NDST4: variants seen among roughly 807,000 people sequenced by gnomAD.
NDST4 encodes N-deacetylase and N-sulfotransferase 4.
A neutral mutation model predicts 100.8 loss-of-function variants in NDST4; 63 were observed. The observed-to-expected ratio is 0.62, with a 90% CI of 0.51 to 0.77. The LOEUF is 0.77. Ranked by LOEUF, NDST4 falls within the 30% of genes least tolerant of loss-of-function variation. The pLI is 0.00. For missense variants in NDST4, 943 were observed against 1,018.4 expected (o/e 0.93, Z 1.01); for synonymous variants, 377 against 361.8 (o/e 1.04, Z -0.48).
intron 6 of NDST4, among the ~76,000 whole-genome samples, chr4:114,899,292 C>T (rs1332964717): frequency 6.6e-6 from 1 of 152,194 alleles, no homozygotes; most frequent in Non-Finnish European, 1.5e-5. Context: ...ATTCTCCTGC[C>T]TCAGCCTCCT....
chr4:115,022,772 C>T (rs188567777), intron 2 of NDST4, among the ~76,000 whole-genome samples: 219 of 152,102 alleles, frequency 1.4e-3, no homozygotes, highest in African/African-American at 5.1e-3. Flanking sequence ...GTCTCATGAT[C>T]GTGAATGAGT....
chr4:115,073,961 G>T (rs1023840505), intron 2 of NDST4, among the ~76,000 whole-genome samples: 3 of 151,640 alleles, frequency 2.0e-5, no homozygotes, highest in Admixed American at 2.0e-4. Context: ...ATAATTCTGA[G>T]GGAGAACCAG....
chr4:115,044,854 T>G (rs1054160271), intron 2 of NDST4, among the ~76,000 whole-genome samples: 1 of 151,670 alleles, frequency 6.6e-6, no homozygotes, highest in East Asian at 1.9e-4. Flanking sequence ...AAAAGATGTT[T>G]AAACCAATTA....
chr4:114,991,811 C>T (rs1218479872), intron 2 of NDST4, among the ~76,000 whole-genome samples: 3 of 152,018 alleles, frequency 2.0e-5, no homozygotes, highest in African/African-American at 7.2e-5. Flanking sequence ...TGATGACATA[C>T]ACATTCTACA....
At chr4:114,828,137 C>G (rs933244111) in intron 13 of NDST4, among the ~76,000 whole-genome samples, 1 of 151,848 alleles carries the variant, frequency 6.6e-6, no homozygotes, top group Non-Finnish European at 1.5e-5. Flanking sequence ...AGAAATAGGA[C>G]CAAGTATATC....
chr4:115,101,478 T>A (rs1729729425), intron 1 of NDST4, among the ~76,000 whole-genome samples: 2 of 152,032 alleles, frequency 1.3e-5, no homozygotes, highest in Admixed American at 6.6e-5. Context: ...AGGCTTGCCA[T>A]GAAAATATTA....
chr4:115,041,346 A>T (rs1728348353), intron 2 of NDST4, among the ~76,000 whole-genome samples: 1 of 152,080 alleles, frequency 6.6e-6, no homozygotes, highest in Admixed American at 6.6e-5. Flanking sequence ...CTTTTTTGGG[A>T]TCTCTTTTTA....
At chr4:114,948,758 T>C (rs1725925356) in intron 4 of NDST4, among the ~76,000 whole-genome samples, 1 of 152,062 alleles carries the variant, frequency 6.6e-6, no homozygotes, top group Non-Finnish European at 1.5e-5. Flanking sequence ...CTCAAGTTAC[T>C]GCAGAAAAGA....
At chr4:114,906,607 G>A (rs1428915607) in intron 6 of NDST4, among the ~76,000 whole-genome samples, 1 of 151,830 alleles carries the variant, frequency 6.6e-6, no homozygotes, top group Non-Finnish European at 1.5e-5. Flanking sequence ...ATTGAAGAAC[G>A]ATAAAACCAT....
rs144196328 is a variant in NDST4 at position 114,906,747 on chromosome 4, A to G, written c.1536+28459T>C. ...AATATATCTCTTAAAACATATGAAG[A>G]TATATTTATAATGATCTTTTTGTAG... is the stretch of plus-strand genomic sequence containing the variant. On this transcript the variant is annotated intron_variant, in intron 6 of 13. Coordinates refer to ENST00000264363, the MANE Select transcript of NDST4 (RefSeq NM_022569.3). 3.1e-4 allele frequency among the ~76,000 whole-genome samples: 47 copies of G among 152,056 alleles called. 1 individual carries two copies. Among genetic ancestry groups the G allele is most frequent in the African/African-American group, 1.0e-3 (43 of 41,518 alleles).
chr4:115,015,131 C>T (rs1275368258), intron 2 of NDST4, among the ~76,000 whole-genome samples: 2 of 152,066 alleles, frequency 1.3e-5, no homozygotes, highest in East Asian at 3.9e-4. Flanking sequence ...GAAGAAGTGG[C>T]CCAAATGCCC....
intron 2 of NDST4, among the ~76,000 whole-genome samples, chr4:115,026,699 G>A (rs1349302582): frequency 1.3e-5 from 2 of 150,434 alleles, no homozygotes; most frequent in Non-Finnish European, 3.0e-5. Context: ...GGGTTGCGGG[G>A]GCTGGGGGGA....
intron 2 of NDST4, among the ~76,000 whole-genome samples, chr4:115,012,730 A>T (rs996205020): frequency 3.3e-5 from 3 of 91,106 alleles, no homozygotes; most frequent in African/African-American, 1.4e-4. Flanking sequence ...TCAAAGAAAT[A>T]CCTGTACTCT....
Position 114,986,832 on chromosome 4 carries a change from A to ATATATATATATATATATATATT in NDST4, c.979-9559_979-9558insAATATATATATATATATATATA. ...TATATATATATATATATATATATAT[A>ATATATATATATATATATATATT]TTTTAATATACTATTCCTATAAGCT... is the stretch of plus-strand genomic sequence containing the variant. On this transcript the variant is annotated intron_variant, in intron 2 of 13. Coordinates refer to ENST00000264363, the MANE Select transcript of NDST4 (RefSeq NM_022569.3). Among the ~76,000 whole-genome samples, 131 of 94,614 alleles carry ATATATATATATATATATATATT rather than the reference A, an allele frequency of 1.4e-3. 9 individuals are homozygous for ATATATATATATATATATATATT. The highest frequency in any genetic ancestry group is 2.0e-3 in the Non-Finnish European group (91 of 46,210). The allele number at this position is 94,614 out of a possible 152,430, so 62.1% of individuals were successfully genotyped here. A position where few individuals can be genotyped will look rare whatever the true frequency, so the allele number is the denominator to read the frequency against.
intron 2 of NDST4, among the ~76,000 whole-genome samples, chr4:115,038,399 G>C (rs780944409): frequency 3.3e-5 from 5 of 152,042 alleles, no homozygotes; most frequent in African/African-American, 1.2e-4. Flanking sequence ...AAAGGACAAG[G>C]AAAGCCGTCA....
intron 12 of NDST4, among the ~76,000 whole-genome samples, chr4:114,832,581 T>C (rs1337798216): frequency 6.6e-6 from 1 of 152,248 alleles, no homozygotes; most frequent in African/African-American, 2.4e-5. Context: ...TTTCCCAAGA[T>C]GACAGCAATC....
intron 2 of NDST4, among the ~76,000 whole-genome samples, chr4:115,067,514 AG>A (rs1001056948): frequency 2.7e-4 from 41 of 151,906 alleles, no homozygotes; most frequent in African/African-American, 9.6e-4. Context: ...AGTAATATTG[AG>A]GTTTTTTTTT....
At chr4:114,829,658 T>A in intron 13 of NDST4, 132 bp downstream of exon 13, 2 of 584,142 alleles carry the variant, frequency 3.4e-6, no homozygotes, top group South Asian at 2.4e-5. Context: ...ATCTCTATCA[T>A]CCTCTAAGTA....
chr4:114,859,858 G>GT (rs1723880888), intron 7 of NDST4, among the ~76,000 whole-genome samples: 1 of 152,236 alleles, frequency 6.6e-6, no homozygotes, highest in East Asian at 1.9e-4. Flanking sequence ...TCCCTTATAG[G>GT]TTTTTCCTGA....
Sources: gnomAD v4.1 joint callset for allele counts (sites outside exome capture counted in the v4.1 genomes callset) on GRCh38, gnomAD v4.1.1 for gene constraint, MANE v1.5 for transcripts, NCBI Gene and HGNC (gene_info 2026-07-23, HGNC 2026-07-21) for gene names.